Variants in LRP1B observed in about 807,000 individuals in gnomAD.
LRP1B encodes the protein low-density lipoprotein receptor-related protein 1B.
Under a neutral mutation model 556.6 loss-of-function variants are expected in LRP1B, and 217 were observed. The ratio of observed to expected loss-of-function variants is 0.39; its 90% CI spans 0.35 to 0.44. The LOEUF (loss-of-function observed/expected upper bound fraction) is 0.44, where lower values mean the gene tolerates loss of function less well. LRP1B is among the 20% of genes least tolerant of loss of function. The pLI is 1.00. For synonymous variants in LRP1B, 2,047 were observed against 1,865.8 expected, an observed-to-expected ratio of 1.10 and a Z score of -2.50; for missense variants, 5,053 against 5,620.8, an observed-to-expected ratio of 0.90 and a Z score of 3.23.
intron 1 of LRP1B, among the ~76,000 whole-genome samples, chr2:142,078,552 T>G (rs1251236723): frequency 6.6e-6 from 1 of 152,180 alleles, no homozygotes; most frequent in Non-Finnish European, 1.5e-5. Context: ...AATTAATGTA[T>G]CCTCTCTCTT....
In LRP1B at chr2:141,762,747, A is replaced by G. The variant is rs553067514; in HGVS notation, c.205+47532T>C. On this transcript the variant is annotated intron_variant, in intron 2 of 90. Transcript: ENST00000389484. ...AAGAAGGGTCATTACTTGCGTGACTATAGTGTTTTTCTTTAAGTTCTCTTC... is the reference window on the plus strand; with the variant it reads ...AAGAAGGGTCATTACTTGCGTGACTGTAGTGTTTTTCTTTAAGTTCTCTTC... Among the ~76,000 whole-genome samples, 10 of 152,270 alleles carry G rather than the reference A, an allele frequency of 6.6e-5. No individual in the cohort carries two copies. The South Asian group carries it at 1.9e-3, about 28-fold the overall frequency.
intron 2 of LRP1B, among the ~76,000 whole-genome samples, chr2:141,762,899 T>C (rs1169615627): frequency 6.6e-6 from 1 of 152,250 alleles, no homozygotes; most frequent in Admixed American, 6.5e-5. Context: ...TCTCTCTTTC[T>C]ATATGAGGTT....
In LRP1B at chr2:140,590,341, G is replaced by GTATA. The variant is rs544951420; in HGVS notation, c.7194+8289_7194+8290insTATA. On this transcript the variant is annotated intron_variant, in intron 43 of 90. Coordinates refer to ENST00000389484, the MANE Select transcript of LRP1B (RefSeq NM_018557.3). ...ATATATAATGTATACAAATGTGTGTGTGTATATATATATATAGATGAATGC... is the reference window on the plus strand; with the variant it reads ...ATATATAATGTATACAAATGTGTGTGTATATGTATATATATATATAGATGAATGC... Among the ~76,000 whole-genome samples, 140 of 146,430 alleles carry GTATA rather than the reference G, an allele frequency of 9.6e-4. 2 individuals are homozygous for GTATA. The highest frequency in any genetic ancestry group is 3.6e-3 in the Middle Eastern group (1 of 276).
intron 3 of LRP1B, among the ~76,000 whole-genome samples, chr2:141,299,058 G>T (rs929156617): frequency 4.6e-5 from 7 of 152,046 alleles, no homozygotes; most frequent in Middle Eastern, 3.4e-3. Flanking sequence ...TATTGACATG[G>T]GAACTGCTTT....
rs573159963 is a variant in LRP1B, at chr2:140,251,674, C to T, written c.13248-4512G>A. Among the ~76,000 whole-genome samples the T allele has an allele frequency of 5.9e-5, 9 of 151,828 alleles. No homozygotes were observed. The East Asian group carries it at 1.8e-3, about 30-fold the overall frequency. On this transcript the variant is annotated intron_variant, in intron 86 of 90. Transcript: ENST00000389484. ...AGAAAGAAAAATCTTTTAATATACC[C>T]CTTTCTTTCTCTACACAGGAAAAAA...
intron 3 of LRP1B, among the ~76,000 whole-genome samples, chr2:141,403,067 A>G (rs1452290151): frequency 6.6e-6 from 1 of 152,110 alleles, no homozygotes; most frequent in Non-Finnish European, 1.5e-5. Flanking sequence ...GACAACAGTG[A>G]TATAAAATAA....
At chr2:140,359,312 G>A (rs1476371523) in intron 72 of LRP1B, among the ~76,000 whole-genome samples, 1 of 151,584 alleles carries the variant, frequency 6.6e-6, no homozygotes, top group East Asian at 1.9e-4. Flanking sequence ...ACAGCATAGA[G>A]CCGGAGCAAG....
At chr2:141,520,596 G>C (rs1684492176) in intron 2 of LRP1B, among the ~76,000 whole-genome samples, 1 of 151,882 alleles carries the variant, frequency 6.6e-6, no homozygotes, top group Non-Finnish European at 1.5e-5. Flanking sequence ...ATCTCTGACT[G>C]ACTGCCTCAA....
At chr2:140,545,533 TGAATA>T (rs1680298188) in intron 43 of LRP1B, among the ~76,000 whole-genome samples, 1 of 152,176 alleles carries the variant, frequency 6.6e-6, no homozygotes, top group African/African-American at 2.4e-5. Flanking sequence ...CACCATTTAT[TGAATA>T]GAGTCCTTTC....
At chr2:141,927,784 A>G (rs1387514102) in intron 1 of LRP1B, among the ~76,000 whole-genome samples, 1 of 151,730 alleles carries the variant, frequency 6.6e-6, no homozygotes, top group Admixed American at 6.6e-5. Flanking sequence ...CTTGAGTTTT[A>G]CTTGCTAACA....
At chr2:142,125,404 A>G (rs1165340305) in intron 1 of LRP1B, among the ~76,000 whole-genome samples, 3 of 151,776 alleles carry the variant, frequency 2.0e-5, no homozygotes, top group Non-Finnish European at 3.0e-5. Context: ...GAGATTCAAT[A>G]CTATTGCAAG....
chr2:140,685,845 C>T (rs752581004), intron 41 of LRP1B, among the ~76,000 whole-genome samples: 1 of 152,068 alleles, frequency 6.6e-6, no homozygotes, highest in Non-Finnish European at 1.5e-5. Context: ...CTTAACATAT[C>T]TTTGGGGAGA....
chr2:141,850,576 T>G (rs1697814765), intron 1 of LRP1B, among the ~76,000 whole-genome samples: 1 of 148,218 alleles, frequency 6.7e-6, no homozygotes, highest in Non-Finnish European at 1.5e-5. Context: ...TGTGTATATG[T>G]GTGTATGTAT....
chr2:141,135,789 A>G (rs905632917), intron 7 of LRP1B, among the ~76,000 whole-genome samples: 2 of 151,942 alleles, frequency 1.3e-5, no homozygotes, highest in Admixed American at 1.3e-4. Flanking sequence ...TTCAGTTACA[A>G]TATTTTAAAT....
intron 74 of LRP1B, among the ~76,000 whole-genome samples, chr2:140,357,107 C>G (rs1682261180): frequency 6.6e-6 from 1 of 151,658 alleles, no homozygotes; most frequent in South Asian, 2.1e-4. Context: ...TACTTTATCT[C>G]CCATTCAGGA....
intron 7 of LRP1B, among the ~76,000 whole-genome samples, chr2:141,122,985 A>G (rs1043163767): frequency 1.3e-5 from 2 of 152,114 alleles, no homozygotes; most frequent in Non-Finnish European, 1.5e-5. Context: ...CATTCTCAGT[A>G]AACTATTGCA....
At chr2:141,896,645 CA>C (rs946671396) in intron 1 of LRP1B, among the ~76,000 whole-genome samples, 9 of 152,106 alleles carry the variant, frequency 5.9e-5, no homozygotes, top group African/African-American at 2.2e-4. Flanking sequence ...CAAATGCAAA[CA>C]AAAATGTAGG....
intron 3 of LRP1B, among the ~76,000 whole-genome samples, chr2:141,256,693 G>C (rs1684477965): frequency 6.6e-6 from 1 of 152,054 alleles, no homozygotes; most frequent in South Asian, 2.1e-4. Flanking sequence ...AATGAATTAA[G>C]TACAACAGAA....
At chr2:140,920,696 GTT>G (rs1023786625) in intron 21 of LRP1B, among the ~76,000 whole-genome samples, 1 of 151,906 alleles carries the variant, frequency 6.6e-6, no homozygotes, top group African/African-American at 2.4e-5. Flanking sequence ...ATAAATTGTG[GTT>G]TACTATATCC....
Sources: gnomAD v4.1 joint callset for allele counts (sites outside exome capture counted in the v4.1 genomes callset) on GRCh38, gnomAD v4.1.1 for gene constraint, MANE v1.5 for transcripts, NCBI Gene and HGNC (gene_info 2026-07-23, HGNC 2026-07-21) for gene names.